Variants in COL9A3 observed in about 807,000 individuals in gnomAD.
COL9A3 encodes the protein collagen alpha-3(IX) chain.
In COL9A3, 82 loss-of-function variants were observed where a neutral mutation model predicts 110.2. That is an observed-to-expected ratio of 0.74 (90% CI 0.62 to 0.89). The LOEUF (loss-of-function observed/expected upper bound fraction) is 0.89. COL9A3 is among the 40% of genes least tolerant of loss of function. COL9A3 has a pLI of 0.00. For synonymous variants in COL9A3, 494 were observed against 403.8 expected, an observed-to-expected ratio of 1.22 and a Z score of -2.68; for missense variants, 1,066 against 981.3, an observed-to-expected ratio of 1.09 and a Z score of -1.15.
At chr20:62,834,448 C>T (rs890681481) in intron 26 of COL9A3, among the ~76,000 whole-genome samples, 3 of 148,198 alleles carry the variant, frequency 2.0e-5, no homozygotes, top group African/African-American at 8.0e-5. Context: ...AGTCGTGAGT[C>T]CGAGGGAAGG....
chr20:62,834,182 G>A (rs1175108694), intron 26 of COL9A3, among the ~76,000 whole-genome samples: 2 of 152,104 alleles, frequency 1.3e-5, no homozygotes, highest in African/African-American at 2.4e-5. Flanking sequence ...CCTAATTGTT[G>A]TATTTTTAGT....
chr20:62,831,988 G>A (rs1215686476), intron 24 of COL9A3, 166 bp from the exon 25 acceptor site: 11 of 742,906 alleles, frequency 1.5e-5, no homozygotes, highest in Middle Eastern at 2.3e-4. Context: ...GGCTGTGAAC[G>A]TGAGCTTGGC....
At chr20:62,819,643 G>A (rs892737829) in intron 4 of COL9A3, among the ~76,000 whole-genome samples, 3 of 152,316 alleles carry the variant, frequency 2.0e-5, no homozygotes, top group East Asian at 1.9e-4. Flanking sequence ...GGAGGAAGCC[G>A]GGCCTGAGAA....
chr20:62,838,621 A>G (rs1600813036), intron 30 of COL9A3, 63 bp from the exon 31 acceptor site: 3 of 1,420,474 alleles, frequency 2.1e-6, no homozygotes, highest in Non-Finnish European at 2.9e-6. Flanking sequence ...TTGATCAGAC[A>G]CCGCTGTGGT....
intron 27 of COL9A3, 63 bp from the exon 28 acceptor site, chr20:62,836,124 A>T: frequency 6.2e-7 from 1 of 1,603,466 alleles, no homozygotes; most frequent in South Asian, 1.1e-5. Context: ...GGGAAAGAGC[A>T]CGTCGGGGTG....
chr20:62,836,597 G>A, intron 29 of COL9A3, 65 bp downstream of exon 29: 3 of 1,507,644 alleles, frequency 2.0e-6, no homozygotes, highest in Middle Eastern at 1.8e-4. Context: ...CGTGCCTGGG[G>A]CTACACAGAA....
rs1283849628 is a variant in COL9A3 at position 62,836,488 on chromosome 20, C to A, written c.1559C>A (p.Ala520Asp). ...TGGGGTGAATTCCAGGGGAAGGAGG[C>A]CAGCGAGCAGCGCATCAGGGAGCTG... ...TGKPGVPGKE[A>D]SEQRIRELCG... The change falls in exon 29 of 32, where the codon GCC becomes GAC. Residue 520 changes from alanine (A) to aspartate (D), a missense_variant. Transcript: ENST00000649368. The A allele has an allele frequency of 4.3e-6, 7 of 1,613,414 alleles. No individual in the cohort carries two copies. Among genetic ancestry groups the A allele is most frequent in the Non-Finnish European group, 5.1e-6 (6 of 1,179,754 alleles).
intron 16 of COL9A3, 124 bp downstream of exon 16, chr20:62,827,418 T>TG: frequency 1.1e-6 from 1 of 892,634 alleles, no homozygotes; most frequent in Admixed American, 2.1e-5. Flanking sequence ...TGGGTGGGCC[T>TG]GGGGGTGCGT....
At chr20:62,835,682 C>G (rs1292639132) in intron 26 of COL9A3, among the ~76,000 whole-genome samples, 1 of 152,088 alleles carries the variant, frequency 6.6e-6, no homozygotes, top group African/African-American at 2.4e-5. Flanking sequence ...GAGACAGCAC[C>G]GTGCAGCTAA....
intron 27 of COL9A3, 41 bp from the exon 28 acceptor site, chr20:62,836,146 C>T (rs768502702): frequency 6.2e-7 from 1 of 1,607,620 alleles, no homozygotes; most frequent in Non-Finnish European, 8.5e-7. Context: ...CTCTGGGCTC[C>T]TGGGCTCGCC....
In COL9A3 at chr20:62,840,753, G is replaced by GT; in HGVS notation, c.*22dup. 6.4e-7 allele frequency: 1 copy of GT among 1,554,862 alleles called. No individual in the cohort carries two copies. The highest frequency in any genetic ancestry group is 8.7e-7 in the Non-Finnish European group (1 of 1,148,534). On this transcript the variant is annotated 3_prime_UTR_variant, in exon 32 of 32. Transcript: ENST00000649368. ...CATAAAATTCAACGTGAGGAAGCAAGTGACAAGGACGCCCGAAGCACAGTG... is the reference window on the plus strand; with the variant it reads ...CATAAAATTCAACGTGAGGAAGCAAGTTGACAAGGACGCCCGAAGCACAGTG...
chr20:62,817,099 T>C lies in COL9A3; in HGVS notation c.35T>C (p.Leu12Pro). Residue 12 changes from leucine to proline, a missense_variant, in exon 1 of 32, where the codon CTC (leucine) becomes CCC (proline). Leu to Pro is a moderately conservative substitution (Grantham distance 98, BLOSUM62 -3). Coordinates refer to ENST00000649368, the MANE Select transcript of COL9A3 (RefSeq NM_001853.4). Reference sequence around the variant, plus strand: ...CCGCGCGCGTGCGCCCCGCTCCTGCTCCTGCTCCTGCTCGGGGAGCTTCTG... The same window carrying C: ...CCGCGCGCGTGCGCCCCGCTCCTGCCCCTGCTCCTGCTCGGGGAGCTTCTG... ...AGPRACAPLL[L>P]LLLLGELLAA... 7.1e-7 allele frequency: 1 copy of C among 1,403,944 alleles called. No homozygotes were observed. The highest frequency in any genetic ancestry group is 9.3e-7 in the Non-Finnish European group (1 of 1,073,890). 87.0% of individuals were successfully genotyped at this position (1,403,944 alleles called of 1,614,324 possible).
intron 30 of COL9A3, 35 bp downstream of exon 30, chr20:62,837,300 T>G: frequency 7.5e-6 from 12 of 1,597,550 alleles, no homozygotes; most frequent in Middle Eastern, 1.7e-4. Context: ...GTCACCCTGC[T>G]GTAAAAATCC....
rs577589708 is a variant in COL9A3 at position 62,826,113 on chromosome 20, C to T, written c.685-91C>T. ...TGAGGGCTCATGGAAGACACCAGGG[C>T]TCCCAGGGGTACCCCGAGGGCCTTG... On this transcript the variant is annotated intron_variant, in intron 13 of 31. Transcript: ENST00000649368. 1.2e-4 allele frequency: 158 copies of T among 1,373,850 alleles called. No homozygotes were observed. The African/African-American group carries it at 2.0e-3, about 18-fold the overall frequency. The allele number at this position is 1,373,850 out of a possible 1,614,324, so 85.1% of individuals were successfully genotyped here.
At chr20:62,822,951 C>T (rs1284834620) in intron 10 of COL9A3, among the ~76,000 whole-genome samples, 1 of 152,266 alleles carries the variant, frequency 6.6e-6, no homozygotes, top group Non-Finnish European at 1.5e-5. Flanking sequence ...GCGTCATCCG[C>T]AGAGGGCGCC....
intron 31 of COL9A3, among the ~76,000 whole-genome samples, chr20:62,839,939 G>T (rs921583009): frequency 1.3e-5 from 2 of 152,124 alleles, no homozygotes; most frequent in Non-Finnish European, 2.9e-5. Flanking sequence ...GCCTCTACCT[G>T]GTGTCCAAAC....
chr20:62,821,649 C>T, intron 7 of COL9A3, 108 bp from the exon 8 acceptor site: 3 of 1,548,706 alleles, frequency 1.9e-6, no homozygotes, highest in Non-Finnish European at 2.7e-6. Context: ...CATCTGACCA[C>T]CCCATACTTG....
chr20:62,840,802 G>GT lies in COL9A3; in HGVS notation c.*71dup. 2 of 1,528,998 alleles carry GT rather than the reference G, an allele frequency of 1.3e-6. No individual in the cohort carries two copies. The highest frequency in any genetic ancestry group is 1.8e-6 in the Non-Finnish European group (2 of 1,127,418). The allele number at this position is 1,528,998 out of a possible 1,614,324, so 94.7% of individuals were successfully genotyped here. A position where few individuals can be genotyped will look rare whatever the true frequency, so the allele number is the denominator to read the frequency against. On this transcript the variant is annotated 3_prime_UTR_variant, in exon 32 of 32. Transcript: ENST00000649368. Reference sequence around the variant, plus strand: ...TGGACGGTCATGAAGGAGCGGGGGTGTGGCAGGCGGGTGACGTCCAGGAGA... The same window carrying GT: ...TGGACGGTCATGAAGGAGCGGGGGTGTTGGCAGGCGGGTGACGTCCAGGAGA...
At chr20:62,836,797 G>T in intron 29 of COL9A3, 1 of 622,622 alleles carries the variant, frequency 1.6e-6, no homozygotes. Flanking sequence ...GAATGCAATG[G>T]GTACAAGAAC....
Sources: allele counts gnomAD v4.1 joint callset (sites outside exome capture counted in the v4.1 genomes callset), GRCh38; gene constraint gnomAD v4.1.1; transcripts MANE v1.5; gene names NCBI Gene and HGNC (gene_info 2026-07-23, HGNC 2026-07-21).